The following XKR4 variants were observed in gnomAD, a reference collection of about 807,000 sequenced individuals.
XKR4 encodes XK related 4, also known as XK-related protein 4.
In XKR4, 12 loss-of-function variants were observed where a neutral mutation model predicts 53.9. The ratio of observed to expected loss-of-function variants is 0.22; its 90% CI spans 0.14 to 0.36. The LOEUF (loss-of-function observed/expected upper bound fraction) is 0.36, where lower values mean the gene tolerates loss of function less well. XKR4 is among the 10% of genes least tolerant of loss of function. The pLI is 1.00. For synonymous variants in XKR4, 354 were observed against 362.4 expected (o/e 0.98, Z 0.26); for missense variants, 799 against 859.5 (o/e 0.93, Z 0.88).
intron 1 of XKR4, among the ~76,000 whole-genome samples, chr8:55,256,512 A>G (rs1818440858): frequency 6.6e-6 from 1 of 152,238 alleles, no homozygotes; most frequent in African/African-American, 2.4e-5. Flanking sequence ...AGGAAACAAT[A>G]TCAGCAGAAG....
intron 2 of XKR4, among the ~76,000 whole-genome samples, chr8:55,504,630 T>C (rs538821047): frequency 6.6e-6 from 1 of 152,310 alleles, no homozygotes; most frequent in African/African-American, 2.4e-5. Flanking sequence ...GAAGGATTTA[T>C]GGTAATTCCT....
At chr8:55,521,765 T>C (rs1292196345) in intron 2 of XKR4, among the ~76,000 whole-genome samples, 1 of 152,230 alleles carries the variant, frequency 6.6e-6, no homozygotes, top group Non-Finnish European at 1.5e-5. Flanking sequence ...ATTAGTGTGG[T>C]CTTTTTCCAC....
At chr8:55,342,481 C>T (rs1242389147) in intron 1 of XKR4, among the ~76,000 whole-genome samples, 2 of 152,096 alleles carry the variant, frequency 1.3e-5, no homozygotes, top group Non-Finnish European at 2.9e-5. Flanking sequence ...CTTCCCATCT[C>T]ACTCGCACAG....
chr8:55,223,455 C>A lies in XKR4; in HGVS notation c.806+120161C>A, dbSNP rs117546993. The stretch of plus-strand genomic sequence containing the variant: ...GTACCCTACTCCAGTTTACAGTCCA[C>A]ATGGAGTTCAGACATTTGACACTTT... On this transcript the variant is annotated intron_variant, in intron 1 of 2. Coordinates refer to ENST00000327381, the MANE Select transcript of XKR4 (RefSeq NM_052898.2). Among the ~76,000 whole-genome samples, 1,325 of 152,298 alleles carry A rather than the reference C, an allele frequency of 8.7e-3. 14 individuals are homozygous for A. The highest frequency in any genetic ancestry group is 0.031 in the Middle Eastern group (9 of 294).
intron 2 of XKR4, among the ~76,000 whole-genome samples, chr8:55,393,935 G>A (rs1165202822): frequency 6.6e-6 from 1 of 152,148 alleles, no homozygotes; most frequent in African/African-American, 2.4e-5. Context: ...GCCCAAGACA[G>A]TTCATCACCA....
intron 2 of XKR4, among the ~76,000 whole-genome samples, chr8:55,361,258 G>A (rs1014527301): frequency 6.6e-6 from 1 of 152,166 alleles, no homozygotes; most frequent in African/African-American, 2.4e-5. Flanking sequence ...CACTAGGAGA[G>A]AGGCGGAGAG....
chr8:55,523,211 T>C, intron 2 of XKR4, 70 bp from the exon 3 acceptor site: 2 of 1,361,496 alleles, frequency 1.5e-6, no homozygotes, highest in Non-Finnish European at 2.0e-6. Flanking sequence ...AGCCCCCAGC[T>C]CTGTGTGACT....
chr8:55,171,611 A>C (rs16921305), intron 1 of XKR4, among the ~76,000 whole-genome samples: 8,458 of 152,150 alleles, frequency 0.056, 781 homozygotes, highest in African/African-American at 0.19. Context: ...CACATTTCCA[A>C]GATGAATCCC....
chr8:55,424,911 A>G (rs929480672), intron 2 of XKR4, among the ~76,000 whole-genome samples: 2 of 152,236 alleles, frequency 1.3e-5, no homozygotes, highest in Admixed American at 1.3e-4. Context: ...TCTGGCATAG[A>G]GTTTTACATT....
At chr8:55,442,546 T>C (rs1455655674) in intron 2 of XKR4, among the ~76,000 whole-genome samples, 5 of 152,236 alleles carry the variant, frequency 3.3e-5, no homozygotes, top group African/African-American at 1.2e-4. Context: ...AAGTGCATTA[T>C]TCATAACAGC....
chr8:55,176,240 A>G (rs1176139761), intron 1 of XKR4, among the ~76,000 whole-genome samples: 4 of 152,226 alleles, frequency 2.6e-5, no homozygotes, highest in Non-Finnish European at 5.9e-5. Context: ...AGAAGTATGT[A>G]TTCTATAAAT....
intron 1 of XKR4, among the ~76,000 whole-genome samples, chr8:55,156,677 C>G (rs1424555612): frequency 6.6e-6 from 1 of 152,020 alleles, no homozygotes; most frequent in Non-Finnish European, 1.5e-5. Context: ...CATTGTAAGT[C>G]TCTTAATACT....
intron 1 of XKR4, among the ~76,000 whole-genome samples, chr8:55,140,555 T>C (rs1056153718): frequency 3.9e-5 from 6 of 152,242 alleles, no homozygotes; most frequent in Non-Finnish European, 8.8e-5. Context: ...TCTTCGCTAA[T>C]AAAAGGTGGG....
At position 55,489,393 on chromosome 8, in the gene XKR4, T is replaced by C. The variant is rs372252855; in HGVS notation, c.1007-33888T>C. Among the ~76,000 whole-genome samples, 10 of 152,282 alleles carry C rather than the reference T, an allele frequency of 6.6e-5. No homozygotes were observed. In the South Asian group the frequency reaches 1.7e-3, roughly 25 times the overall value. ...TTCAAAAACTGTTTGTCAATTTTGC[T>C]ACAAAAGAGAATTTCAAGTATTTAT... is the stretch of plus-strand genomic sequence containing the variant. On this transcript the variant is annotated intron_variant, in intron 2 of 2. Transcript: ENST00000327381.
At chr8:55,159,147 C>T (rs1478139814) in intron 1 of XKR4, among the ~76,000 whole-genome samples, 1 of 152,078 alleles carries the variant, frequency 6.6e-6, no homozygotes, top group Non-Finnish European at 1.5e-5. Context: ...TCACCTCTGA[C>T]TATTTTGAGC....
intron 2 of XKR4, among the ~76,000 whole-genome samples, chr8:55,369,556 G>A (rs1022853684): frequency 1.5e-5 from 2 of 134,110 alleles, no homozygotes; most frequent in Non-Finnish European, 3.2e-5. Context: ...AGAAAGAAAG[G>A]GAAGGAAGGG....
chr8:55,152,047 C>T (rs1020214072), intron 1 of XKR4, among the ~76,000 whole-genome samples: 3 of 152,056 alleles, frequency 2.0e-5, no homozygotes, highest in African/African-American at 7.2e-5. Flanking sequence ...TGGCAAATTG[C>T]CCATCTTATC....
chr8:55,136,365 G>A (rs141675868), intron 1 of XKR4, among the ~76,000 whole-genome samples: 1 of 152,318 alleles, frequency 6.6e-6, no homozygotes, highest in African/African-American at 2.4e-5. Flanking sequence ...GGGGTTGAAT[G>A]AATGACTCTT....
intron 2 of XKR4, among the ~76,000 whole-genome samples, chr8:55,472,427 G>A (rs1805902425): frequency 6.6e-6 from 1 of 152,070 alleles, no homozygotes; most frequent in African/African-American, 2.4e-5. Flanking sequence ...TGATGAACAT[G>A]CATTGTTATG....
Sources: allele counts gnomAD v4.1 joint callset (sites outside exome capture counted in the v4.1 genomes callset), GRCh38; gene constraint gnomAD v4.1.1; transcripts MANE v1.5; gene names NCBI Gene and HGNC (gene_info 2026-07-23, HGNC 2026-07-21).